The following TRIM24 variants were observed in gnomAD, a reference collection of about 807,000 sequenced individuals.
TRIM24 encodes tripartite motif containing 24.
Under a neutral mutation model 123.9 loss-of-function variants are expected in TRIM24, and 29 were observed. The observed-to-expected ratio is 0.23, with a 90% confidence interval of 0.17 to 0.32. TRIM24 has a LOEUF of 0.32. Among genes scored for constraint, TRIM24 ranks in the 10% least tolerant of loss-of-function variants. The pLI is 1.00. For synonymous variants in TRIM24, 456 were observed against 461.1 expected, an observed-to-expected ratio of 0.99 and a Z score of 0.14; for missense variants, 932 against 1,295.3, an observed-to-expected ratio of 0.72 and a Z score of 4.31.
chr7:138,568,967 A>G (rs1797597118), intron 10 of TRIM24, among the ~76,000 whole-genome samples: 1 of 152,188 alleles, frequency 6.6e-6, no homozygotes, highest in Admixed American at 6.5e-5. Context: ...CCTTTGCTAT[A>G]TCATCACCAA....
In TRIM24 at chr7:138,588,216, C is replaced by G. The variant is rs193152586; in HGVS notation, c.*3265C>G. The stretch of plus-strand genomic sequence containing the variant: ...GTTACTGTGCTTAGACACTTCCTTA[C>G]GTTTGAGTTCCAAGGAGAGAGAGTG... On this transcript the variant is annotated 3_prime_UTR_variant, in exon 19 of 19. Coordinates refer to ENST00000343526, the MANE Select transcript of TRIM24 (RefSeq NM_015905.3). 1 of 152,170 alleles carries G rather than the reference C, an allele frequency of 6.6e-6. No homozygotes were observed. The highest frequency in any genetic ancestry group is 1.5e-5 in the Non-Finnish European group (1 of 68,026). The allele number at this position is 152,170 out of a possible 1,614,324, so 9.4% of individuals were successfully genotyped here.
chr7:138,573,068 C>A (rs1282109640), intron 11 of TRIM24, among the ~76,000 whole-genome samples: 2 of 152,090 alleles, frequency 1.3e-5, no homozygotes, highest in Non-Finnish European at 2.9e-5. Flanking sequence ...CTGTGTGAGG[C>A]TAGATTTTCT....
At chr7:138,467,607 CTGATATTGA>C (rs1584681520) in intron 1 of TRIM24, among the ~76,000 whole-genome samples, 2 of 152,146 alleles carry the variant, frequency 1.3e-5, no homozygotes, top group African/African-American at 4.8e-5. Context: ...TCCCAAAGTG[CTGATATTGA>C]CAGGCGTGAG....
chr7:138,519,037 A>T, intron 3 of TRIM24, 152 bp from the exon 4 acceptor site: 1 of 838,022 alleles, frequency 1.2e-6, no homozygotes, highest in Non-Finnish European at 1.8e-6. Context: ...GTGATATCTT[A>T]ATATCTGTAA....
rs114711044 is a variant in TRIM24, at chr7:138,483,446, G to A, written c.365-20844G>A. On this transcript the variant is annotated intron_variant, in intron 1 of 18. Transcript: ENST00000343526. ...ATTGTTGAATAAAAGTCAAGCCAGT[G>A]GAAATTTATCTTGTTCCTGATCTCA... Among the ~76,000 whole-genome samples the A allele has an allele frequency of 4.7e-3, 708 of 152,232 alleles. 6 individuals are homozygous for A. The highest frequency in any genetic ancestry group is 0.015 in the African/African-American group (632 of 41,542).
At chr7:138,481,710 C>T (rs188276354) in intron 1 of TRIM24, among the ~76,000 whole-genome samples, 2 of 151,990 alleles carry the variant, frequency 1.3e-5, no homozygotes, top group African/African-American at 2.4e-5. Context: ...ACTTGAGAGG[C>T]TAATGTGGGA....
At chr7:138,491,531 G>T (rs1335009792) in intron 1 of TRIM24, among the ~76,000 whole-genome samples, 1 of 152,002 alleles carries the variant, frequency 6.6e-6, no homozygotes, top group African/African-American at 2.4e-5. Flanking sequence ...CTTCTTATGG[G>T]TGAATAATAC....
chr7:138,485,782 A>G (rs1206216570), intron 1 of TRIM24, among the ~76,000 whole-genome samples: 1 of 152,184 alleles, frequency 6.6e-6, no homozygotes, highest in African/African-American at 2.4e-5. Context: ...TCCTGTTGTC[A>G]GTAGTGCCAC....
chr7:138,478,096 A>T (rs545801946), intron 1 of TRIM24, among the ~76,000 whole-genome samples: 86 of 152,310 alleles, frequency 5.6e-4, no homozygotes, highest in Non-Finnish European at 9.1e-4. Context: ...TAATATATAA[A>T]CATGTTTTAT....
At chr7:138,462,699 G>A (rs1357355907) in intron 1 of TRIM24, among the ~76,000 whole-genome samples, 1 of 151,976 alleles carries the variant, frequency 6.6e-6, no homozygotes, top group Non-Finnish European at 1.5e-5. Context: ...AAACTGCCCT[G>A]TGTCTCTGAC....
At chr7:138,521,507 T>A (rs1796503283) in intron 4 of TRIM24, among the ~76,000 whole-genome samples, 1 of 152,070 alleles carries the variant, frequency 6.6e-6, no homozygotes, top group African/African-American at 2.4e-5. Flanking sequence ...TGTGGAATAG[T>A]TAATCAGTAT....
intron 1 of TRIM24, among the ~76,000 whole-genome samples, chr7:138,503,664 T>C (rs756853632): frequency 3.9e-5 from 6 of 151,936 alleles, no homozygotes; most frequent in Non-Finnish European, 8.8e-5. Flanking sequence ...TTAGGGTACA[T>C]GTGCACAACG....
At chr7:138,579,560 C>G (rs781720062) in intron 15 of TRIM24, 28 bp downstream of exon 15, 2 of 1,511,360 alleles carry the variant, frequency 1.3e-6, no homozygotes, top group Admixed American at 2.1e-5. Flanking sequence ...TTCCCACATT[C>G]TTTTACTGTA....
At chr7:138,577,625 G>T in intron 14 of TRIM24, 37 bp downstream of exon 14, 2 of 1,464,386 alleles carry the variant, frequency 1.4e-6, no homozygotes, top group Admixed American at 2.3e-5. Context: ...TCCTATGCAT[G>T]GTGGGTAGGG....
At chr7:138,492,273 CAAAAAAAAAAAAAA>C (rs34380067) in intron 1 of TRIM24, among the ~76,000 whole-genome samples, 1 of 60,028 alleles carries the variant, frequency 1.7e-5, no homozygotes, top group African/African-American at 7.6e-5. Flanking sequence ...ACTCTGTCTC[CAAAAAAAAAAAAAA>C]AAAAAAAAAA....
chr7:138,545,163 CGTGTGTGTGT>C (rs3073156), intron 7 of TRIM24, among the ~76,000 whole-genome samples: 5,508 of 149,468 alleles, frequency 0.037, 149 homozygotes, highest in Middle Eastern at 0.089. Context: ...ATAAAATCTG[CGTGTGTGTGT>C]GTGTGTGTGT....
At chr7:138,461,269 T>A in intron 1 of TRIM24, 1 of 559,236 alleles carries the variant, frequency 1.8e-6, no homozygotes, top group South Asian at 1.4e-5. Context: ...AGTTAACTGC[T>A]ACCCGCCCGC....
At chr7:138,567,754 G>A (rs1180562956) in intron 10 of TRIM24, 100 bp downstream of exon 10, 6 of 1,202,892 alleles carry the variant, frequency 5.0e-6, no homozygotes, top group African/African-American at 3.2e-5. Context: ...AAAGAGCCAA[G>A]AGCAAGCCTT....
At chr7:138,532,412 C>T (rs534720565) in intron 6 of TRIM24, among the ~76,000 whole-genome samples, 1 of 152,234 alleles carries the variant, frequency 6.6e-6, no homozygotes, top group East Asian at 1.9e-4. Flanking sequence ...AGGAAGGGAT[C>T]CAGTTTCAGC....
Sources: allele counts gnomAD v4.1 joint callset (sites outside exome capture counted in the v4.1 genomes callset), GRCh38; gene constraint gnomAD v4.1.1; transcripts MANE v1.5; gene names NCBI Gene and HGNC (gene_info 2026-07-23, HGNC 2026-07-21).